Variants in DLG4 observed in about 807,000 individuals in gnomAD.
DLG4 encodes disks large homolog 4.
In DLG4, 7 loss-of-function variants were observed where a neutral mutation model predicts 93.8. The observed-to-expected ratio is 0.07, with a 90% confidence interval of 0.04 to 0.14. The LOEUF is 0.14. Ranked by LOEUF, DLG4 falls within the 10% of genes least tolerant of loss-of-function variation. DLG4 has a pLI of 1.00. For missense variants in DLG4, 545 were observed against 992.9 expected, an observed-to-expected ratio of 0.55 and a Z score of 6.06; for synonymous variants, 341 against 387.6, an observed-to-expected ratio of 0.88 and a Z score of 1.41.
chr17:7,217,603 C>T lies in DLG4; in HGVS notation c.-456G>A, dbSNP rs1270538108. 9.5e-6 allele frequency: 13 copies of T among 1,370,728 alleles called. No homozygotes were observed. Among genetic ancestry groups the T allele is most frequent in the South Asian group, 7.1e-5 (5 of 70,580 alleles). 84.9% of individuals were successfully genotyped at this position (1,370,728 alleles called of 1,614,324 possible). On this transcript the variant is annotated 5_prime_UTR_variant, in exon 1 of 20. Coordinates refer to ENST00000399506, the MANE Select transcript of DLG4 (RefSeq NM_001321075.3). Reference sequence around the variant, plus strand: ...GCAGCGGCCGAGGGAGCCGTGGAGCCGAAGAGGGAAGGGGAGAGAGGAGGA... The same window carrying T: ...GCAGCGGCCGAGGGAGCCGTGGAGCTGAAGAGGGAAGGGGAGAGAGGAGGA...
In DLG4 at chr17:7,190,686, C is replaced by T. The variant is rs769877663; in HGVS notation, c.*22G>A. The T allele has an allele frequency of 1.2e-5, 19 of 1,603,504 alleles. No homozygotes were observed. The highest frequency in any genetic ancestry group is 1.5e-5 in the Non-Finnish European group (18 of 1,170,570). ...CCCAGGTGATGGAGGCAGGGCGAGTCCAGGCCAAGCCAGGGCAGGAATCAG... is the reference window on the plus strand; with the variant it reads ...CCCAGGTGATGGAGGCAGGGCGAGTTCAGGCCAAGCCAGGGCAGGAATCAG... On this transcript the variant is annotated 3_prime_UTR_variant, in exon 20 of 20. Transcript: ENST00000399506.
intron 8 of DLG4, among the ~76,000 whole-genome samples, chr17:7,198,277 C>T (rs911320121): frequency 6.6e-6 from 1 of 151,900 alleles, no homozygotes; most frequent in African/African-American, 2.4e-5. Flanking sequence ...GAGGTTAAGA[C>T]TTTGAGACCA....
intron 8 of DLG4, among the ~76,000 whole-genome samples, chr17:7,198,656 T>G (rs1291881031): frequency 6.6e-6 from 1 of 151,030 alleles, no homozygotes; most frequent in Non-Finnish European, 1.5e-5. Context: ...AAAACCAGCC[T>G]GGCCAAGATG....
chr17:7,192,302 G>A (rs1240049189), intron 17 of DLG4: 2 of 386,992 alleles, frequency 5.2e-6, no homozygotes, highest in East Asian at 8.1e-5. Flanking sequence ...GCAGAGCCGG[G>A]GCAGCAGCGA....
chr17:7,194,076 C>CA lies in DLG4; in HGVS notation c.1479-77dup. The CA allele has an allele frequency of 6.4e-7, 1 of 1,561,024 alleles. No homozygotes were observed. The highest frequency in any genetic ancestry group is 1.2e-5 in the South Asian group (1 of 85,046). On this transcript the variant is annotated intron_variant, in intron 12 of 19. Transcript: ENST00000399506. This position sits in a 1 kb window ranked among gnomAD's most constrained non-coding sequence, Gnocchi z 4.4. The stretch of plus-strand genomic sequence containing the variant: ...CACCCCCATGCTCTGAGCCAGCTGA[C>CA]AACCCCTTCTCCATACTCTGGGCCA...
Position 7,190,829 on chromosome 17 carries a change from G to A in DLG4, c.2069-15C>T. 6.2e-7 allele frequency: 1 copy of A among 1,610,758 alleles called. No homozygotes were observed. The highest frequency in any genetic ancestry group is 8.5e-7 in the Non-Finnish European group (1 of 1,177,224). Reference sequence around the variant, plus strand: ...CTCCACGATGGCTGGGAGTGGGGTGGAGCAGGGAGTGAGGCCAAGGAAGGG... The same window carrying A: ...CTCCACGATGGCTGGGAGTGGGGTGAAGCAGGGAGTGAGGCCAAGGAAGGG... On this transcript the variant is annotated splice_polypyrimidine_tract_variant and intron_variant, in intron 19 of 19. Coordinates refer to ENST00000399506, the MANE Select transcript of DLG4 (RefSeq NM_001321075.3).
chr17:7,197,817 T>G (rs2142851782), intron 8 of DLG4, among the ~76,000 whole-genome samples: 1 of 152,316 alleles, frequency 6.6e-6, no homozygotes, highest in African/African-American at 2.4e-5. Context: ...AAATTACTGC[T>G]TACCCTCCTG....
chr17:7,215,187 C>T (rs1015428583), intron 1 of DLG4, among the ~76,000 whole-genome samples: 1 of 152,194 alleles, frequency 6.6e-6, no homozygotes, highest in African/African-American at 2.4e-5. Flanking sequence ...CCCCACCATA[C>T]CGAGGCTGAC....
chr17:7,193,256 AG>A lies in DLG4; in HGVS notation c.1694-140del. The A allele has an allele frequency of 7.5e-7, 1 of 1,332,436 alleles. No individual in the cohort carries two copies. Among genetic ancestry groups the A allele is most frequent in the Non-Finnish European group, 1.0e-6 (1 of 954,130 alleles). The allele number at this position is 1,332,436 out of a possible 1,614,324, so 82.5% of individuals were successfully genotyped here. On this transcript the variant is annotated intron_variant, in intron 16 of 19. Transcript: ENST00000399506. This position sits in a 1 kb window ranked among gnomAD's most constrained non-coding sequence, Gnocchi z 6.7. ...GCTGCCAGGGAGACCAAGACTGCAGAGGGCCAGAACCGCTTCCCCTAGCACC... is the reference window on the plus strand; with the variant it reads ...GCTGCCAGGGAGACCAAGACTGCAGAGGCCAGAACCGCTTCCCCTAGCACC...
At position 7,193,216 on chromosome 17, in the gene DLG4, C is replaced by T; in HGVS notation, c.1694-99G>A. The T allele has an allele frequency of 1.3e-6, 2 of 1,528,588 alleles. No individual in the cohort carries two copies. The highest frequency in any genetic ancestry group is 3.5e-5 in the Admixed American group (2 of 57,492). 94.7% of individuals were successfully genotyped at this position (1,528,588 alleles called of 1,614,324 possible). On this transcript the variant is annotated intron_variant, in intron 16 of 19. Coordinates refer to ENST00000399506, the MANE Select transcript of DLG4 (RefSeq NM_001321075.3). This position sits in a 1 kb window ranked among gnomAD's most constrained non-coding sequence, Gnocchi z 6.7. ...AAATCCCCATAGTGCCCAGCTGGTCCTTTGGTGAAAGGGAGCTGCCAGGGA... is the reference window on the plus strand; with the variant it reads ...AAATCCCCATAGTGCCCAGCTGGTCTTTTGGTGAAAGGGAGCTGCCAGGGA...
rs757027964 is a variant in DLG4 at position 7,203,077 on chromosome 17, A to C, written c.643-30T>G. 4.4e-6 allele frequency: 7 copies of C among 1,590,396 alleles called. No individual in the cohort carries two copies. In the East Asian group the frequency reaches 9.0e-5, roughly 21 times the overall value. On this transcript the variant is annotated intron_variant, in intron 7 of 19. Coordinates refer to ENST00000399506, the MANE Select transcript of DLG4 (RefSeq NM_001321075.3). This position sits in a 1 kb window ranked among gnomAD's most constrained non-coding sequence, Gnocchi z 7.2. ...AGTCAAGGAAAGCAAAGCTCAGACA[A>C]AGCCACAAATGGCCCAAGACAGAAG...
chr17:7,200,844 C>A (rs2070087073), intron 8 of DLG4, among the ~76,000 whole-genome samples: 1 of 148,370 alleles, frequency 6.7e-6, no homozygotes, highest in African/African-American at 2.5e-5. Flanking sequence ...CCGGCGCGCC[C>A]AGCCTGTTTT....
chr17:7,199,021 C>CA lies in DLG4; in HGVS notation c.788-1970dup, dbSNP rs202201791. On this transcript the variant is annotated intron_variant, in intron 8 of 19. Transcript: ENST00000399506. ...GTGACAAAGCAAGACCTGCCTCCAACAAAAAAAAAGCAAAAACAAAAACAA... is the reference window on the plus strand; with the variant it reads ...GTGACAAAGCAAGACCTGCCTCCAACAAAAAAAAAAGCAAAAACAAAAACAA... Among the ~76,000 whole-genome samples, 434 of 148,844 alleles carry CA rather than the reference C, an allele frequency of 2.9e-3. 2 individuals are homozygous for CA. The highest frequency in any genetic ancestry group is 0.01 in the African/African-American group (418 of 40,626).
Position 7,209,861 on chromosome 17 carries a change from G to A in DLG4, c.31-1622C>T, listed in dbSNP as rs555613091. Among the ~76,000 whole-genome samples the A allele has an allele frequency of 7.0e-4, 106 of 152,222 alleles. 2 individuals are homozygous for A. The highest frequency in any genetic ancestry group is 2.4e-3 in the African/African-American group (101 of 41,528). On this transcript the variant is annotated intron_variant, in intron 1 of 19. Transcript: ENST00000399506. ...GTCAGAGACCAGCCTGGCCAACATG[G>A]TGAAATCCCATCTCTACTAAAAATA...
rs2070574451 is a variant in DLG4, at chr17:7,208,338, C to A, written c.31-99G>T. 6 of 1,124,070 alleles carry A rather than the reference C, an allele frequency of 5.3e-6. No individual in the cohort carries two copies. Among genetic ancestry groups the A allele is most frequent in the Middle Eastern group, 3.0e-4 (1 of 3,282 alleles). 69.6% of individuals were successfully genotyped at this position (1,124,070 alleles called of 1,614,324 possible). On this transcript the variant is annotated intron_variant, in intron 1 of 19. Transcript: ENST00000399506. This position sits in a 1 kb window ranked among gnomAD's most constrained non-coding sequence, Gnocchi z 5.4. ...GCCTCTTCCCCCAGCCAGTGCAGTG[C>A]GGAAGGCCCTGGGGCCTGACCAGCT...
intron 8 of DLG4, among the ~76,000 whole-genome samples, chr17:7,200,856 GTTT>G (rs1243920377): frequency 4.2e-5 from 4 of 94,652 alleles, no homozygotes; most frequent in Non-Finnish European, 8.4e-5. Context: ...GCCTGTTTTG[GTTT>G]TTTTTTTTTT....
upstream of DLG4, chr17:7,219,889 G>C: frequency 6.5e-7 from 1 of 1,536,758 alleles, no homozygotes; most frequent in Non-Finnish European, 8.7e-7. Context: ...GTGCACTGTG[G>C]ACGATGAGTC....
At chr17:7,198,124 T>C (rs907028751) in intron 8 of DLG4, among the ~76,000 whole-genome samples, 9 of 152,182 alleles carry the variant, frequency 5.9e-5, no homozygotes, top group Non-Finnish European at 5.9e-5. Flanking sequence ...CGCCTGGTTC[T>C]GATAAGTATC....
chr17:7,204,588 G>C (rs1031038056), intron 2 of DLG4, among the ~76,000 whole-genome samples: 3 of 151,972 alleles, frequency 2.0e-5, no homozygotes, highest in Non-Finnish European at 2.9e-5. Flanking sequence ...GTGGGGAGAG[G>C]GGGGTAGGCT....
Sources: allele counts gnomAD v4.1 joint callset (sites outside exome capture counted in the v4.1 genomes callset), GRCh38; gene constraint gnomAD v4.1.1; non-coding constraint Gnocchi (gnomAD v3.1); transcripts MANE v1.5; gene names NCBI Gene and HGNC (gene_info 2026-07-23, HGNC 2026-07-21).